The following ZDHHC23 variants were observed in gnomAD, a reference collection of about 807,000 sequenced individuals.
ZDHHC23 encodes zDHHC palmitoyltransferase 23, also known as palmitoyltransferase ZDHHC23.
In ZDHHC23, 41 loss-of-function variants were observed where a neutral mutation model predicts 40.2. That is an observed-to-expected ratio of 1.02 (90% CI 0.79 to 1.32). The LOEUF is 1.32. Among genes scored for constraint, ZDHHC23 ranks in the 40% most tolerant of loss-of-function variants. ZDHHC23 has a pLI of 0.00. For synonymous variants in ZDHHC23, 204 were observed against 210.2 expected, an observed-to-expected ratio of 0.97 and a Z score of 0.26; for missense variants, 471 against 541.5, an observed-to-expected ratio of 0.87 and a Z score of 1.29.
downstream of ZDHHC23, chr3:113,964,415 T>A (rs1939905865): frequency 6.6e-6 from 1 of 152,198 alleles, no homozygotes; most frequent in Non-Finnish European, 1.5e-5. Flanking sequence ...TATCTCAATA[T>A]CTAGATCAAA....
At chr3:113,954,929 A>G (rs1218160768) in intron 3 of ZDHHC23, among the ~76,000 whole-genome samples, 2 of 152,170 alleles carry the variant, frequency 1.3e-5, no homozygotes, top group Non-Finnish European at 2.9e-5. Flanking sequence ...CTATTTGATT[A>G]TTTGCAGAGA....
chr3:113,956,298 A>T, intron 3 of ZDHHC23, 41 bp from the exon 4 acceptor site: 2 of 1,585,350 alleles, frequency 1.3e-6, no homozygotes, highest in South Asian at 1.2e-5. Flanking sequence ...AAGAACTCTT[A>T]AAAATGTGTT....
chr3:113,969,690 C>G (rs1461429461), downstream of ZDHHC23, among the ~76,000 whole-genome samples: 3 of 152,058 alleles, frequency 2.0e-5, no homozygotes, highest in Non-Finnish European at 4.4e-5. Context: ...GTTCTCTATT[C>G]TATTTCATTG....
At chr3:113,972,252 A>G in the ZDHHC23 span, among the ~76,000 whole-genome samples, 1 of 151,898 alleles carries the variant, frequency 6.6e-6, no homozygotes, top group Non-Finnish European at 1.5e-5. Context: ...TTTTACTATA[A>G]CCTATAGATT....
chr3:113,978,968 T>C, the ZDHHC23 span: 73 of 1,613,938 alleles, frequency 4.5e-5, no homozygotes, highest in African/African-American at 6.7e-5. Context: ...CACGTCAGCA[T>C]GTATTTCCTC....
downstream of ZDHHC23, among the ~76,000 whole-genome samples, chr3:113,970,167 A>T (rs1301821582): frequency 6.6e-6 from 1 of 152,176 alleles, no homozygotes; most frequent in Non-Finnish European, 1.5e-5. Flanking sequence ...TGTATATATT[A>T]ATAAATGCTG....
chr3:113,959,100 C>A lies in ZDHHC23; in HGVS notation c.*470C>A. ...CCTCACAGAGCCGTCATGAGGGTCA[C>A]GTGAGGGAAGATGGATGTGGAAAGC... is the stretch of plus-strand genomic sequence containing the variant. On this transcript the variant is annotated 3_prime_UTR_variant, in exon 5 of 5. Transcript: ENST00000638807. 1 of 930,794 alleles carries A rather than the reference C, an allele frequency of 1.1e-6. No individual in the cohort carries two copies. Among genetic ancestry groups the A allele is most frequent in the Non-Finnish European group, 1.3e-6 (1 of 741,706 alleles). 57.7% of individuals were successfully genotyped at this position (930,794 alleles called of 1,614,324 possible).
Position 113,954,898 on chromosome 3 carries a change from A to G in ZDHHC23, c.872+488A>G, listed in dbSNP as rs536922573. Among the ~76,000 whole-genome samples the G allele has an allele frequency of 9.8e-5, 15 of 152,292 alleles. No individual in the cohort carries two copies. The South Asian group carries it at 3.1e-3, about 32-fold the overall frequency. On this transcript the variant is annotated intron_variant, in intron 3 of 4. Transcript: ENST00000638807. ...ATTTCCACTTAACATTATTGAATCG[A>G]GGTCCCACCAGATAAACTCTCTATT...
In ZDHHC23 at chr3:113,954,371, G is replaced by A. The variant is rs1300493821; in HGVS notation, c.833G>A (p.Cys278Tyr). 1 of 1,608,646 alleles carries A rather than the reference G, an allele frequency of 6.2e-7. No individual in the cohort carries two copies. The highest frequency in any genetic ancestry group is 8.5e-7 in the Non-Finnish European group (1 of 1,177,136). The change falls in exon 3 of 5, where the codon TGT becomes TAT. Residue 278 changes from cysteine (C) to tyrosine (Y), a missense_variant. Cys to Tyr is a radical substitution (Grantham distance 194). This residue lies in a region of ZDHHC23 where 346 missense variants were observed against 399.8 expected (regional missense o/e 0.87). Coordinates refer to ENST00000638807, the MANE Select transcript of ZDHHC23 (RefSeq NM_001320466.2). Reference protein sequence around the residue: ...RPARAWHCRICGICVRRMDHH... With the variant: ...RPARAWHCRIYGICVRRMDHH... ...GCCCGGGCATGGCACTGCCGGATAT[G>A]TGGCATCTGTGTGAGGAGAATGGAT...
At chr3:113,970,461 G>A in the ZDHHC23 span, among the ~76,000 whole-genome samples, 2 of 151,988 alleles carry the variant, frequency 1.3e-5, no homozygotes, top group African/African-American at 4.8e-5. Flanking sequence ...CATCTGGCCT[G>A]GATGCCCTTA....
In ZDHHC23 at chr3:113,954,113, C is replaced by G. The variant is rs1169845327; in HGVS notation, c.575C>G (p.Pro192Arg). 1 of 1,614,202 alleles carries G rather than the reference C, an allele frequency of 6.2e-7. No homozygotes were observed. Among genetic ancestry groups the G allele is most frequent in the Non-Finnish European group, 8.5e-7 (1 of 1,180,044 alleles). Residue 192 changes from proline to arginine, a missense_variant, in exon 3 of 5, where the codon CCA (proline) becomes CGA (arginine). By Grantham distance (103) the Pro-to-Arg change is moderately radical. Around this residue, in one of 3 missense-constraint regions of ZDHHC23, gnomAD observed 346 missense variants for 399.8 expected, o/e 0.87. Coordinates refer to ENST00000638807, the MANE Select transcript of ZDHHC23 (RefSeq NM_001320466.2). ...GCCTTGCACAGAGCCAAGAAGAATC[C>G]AGGCTACCTCAGCAATCCAGCAAGC... is the stretch of plus-strand genomic sequence containing the variant. ...LLALHRAKKN[P>R]GYLSNPASGD... is the part of the protein sequence containing the mutation.
In ZDHHC23 at chr3:113,959,697, G is replaced by T; in HGVS notation, c.*1067G>T. The T allele has an allele frequency of 8.9e-7, 1 of 1,125,032 alleles. No individual in the cohort carries two copies. Among genetic ancestry groups the T allele is most frequent in the Non-Finnish European group, 1.1e-6 (1 of 892,672 alleles). 69.7% of individuals were successfully genotyped at this position (1,125,032 alleles called of 1,614,324 possible). A position where few individuals can be genotyped will look rare whatever the true frequency, so the allele number is the denominator to read the frequency against. ...CTAAATTGTGAAAATCAGCCTTCTG[G>T]CATTCACATTATTCTGGTATGAACT... On this transcript the variant is annotated 3_prime_UTR_variant, in exon 5 of 5. Transcript: ENST00000638807.
chr3:113,965,242 TG>T, downstream of ZDHHC23: 8 of 1,612,126 alleles, frequency 5.0e-6, no homozygotes, highest in Non-Finnish European at 6.8e-6. Flanking sequence ...CCTGGAAGTC[TG>T]GAAGAATTTC....
the ZDHHC23 span, among the ~76,000 whole-genome samples, chr3:113,978,026 T>C: frequency 6.6e-6 from 1 of 151,862 alleles, no homozygotes; most frequent in Non-Finnish European, 1.5e-5. Context: ...TCCCAGGGGG[T>C]TTATTACATT....
At chr3:113,965,913 T>G (rs1304410002), downstream of ZDHHC23, among the ~76,000 whole-genome samples, 1 of 151,906 alleles carries the variant, frequency 6.6e-6, no homozygotes, top group Non-Finnish European at 1.5e-5. Flanking sequence ...TTATTTTTGA[T>G]TGAGTGGTGA....
chr3:113,958,486 C>G lies in ZDHHC23; in HGVS notation c.1164C>G (p.Ala388=). The G allele has an allele frequency of 6.2e-7, 1 of 1,614,080 alleles. No homozygotes were observed. Among genetic ancestry groups the G allele is most frequent in the South Asian group, 1.1e-5 (1 of 91,082 alleles). The change falls in exon 5 of 5, where the codon GCC becomes GCG. Residue 388 remains alanine, a synonymous_variant. Transcript: ENST00000638807. The stretch of plus-strand genomic sequence containing the variant: ...TGACTGAGCGGGAAGTCCAGCAGGC[C>G]CTCCGACAGAAGACTGGGCGCCGGC... The part of the protein sequence containing the change: ...YNVTEREVQQ[A]LRQKTGRRLL...
chr3:113,975,226 C>T, the ZDHHC23 span, among the ~76,000 whole-genome samples: 28 of 152,076 alleles, frequency 1.8e-4, no homozygotes, highest in South Asian at 8.3e-4. Context: ...TAAAATTATC[C>T]GGAAGTGATA....
chr3:113,963,429 T>G (rs564270943), downstream of ZDHHC23: 35 of 152,072 alleles, frequency 2.3e-4, no homozygotes, highest in African/African-American at 8.4e-4. Flanking sequence ...CTCAACCTTA[T>G]GTACAGGCTT....
In ZDHHC23 at chr3:113,958,512, T is replaced by C. The variant is rs1323655166; in HGVS notation, c.1190T>C (p.Leu397Pro). ...CTCCGACAGAAGACTGGGCGCCGGC[T>C]CCTCTGCGGGCTCATCGTGGACACA... ...QALRQKTGRR[L>P]LCGLIVDTGQ... Residue 397 changes from leucine to proline, a missense_variant, in exon 5 of 5, where the codon CTC becomes CCC. Physicochemically the swap from Leu to Pro is moderately conservative, Grantham distance 98 (BLOSUM62 -3). Transcript: ENST00000638807. 1 of 1,613,870 alleles carries C rather than the reference T, an allele frequency of 6.2e-7. No homozygotes were observed. The highest frequency in any genetic ancestry group is 1.1e-5 in the South Asian group (1 of 91,076).
Sources: gnomAD v4.1 joint callset for allele counts (sites outside exome capture counted in the v4.1 genomes callset) on GRCh38, gnomAD v4.1.1 for gene constraint, gnomAD v4.1.1 regional missense constraint, MANE v1.5 for transcripts, NCBI Gene and HGNC (gene_info 2026-07-23, HGNC 2026-07-21) for gene names.